The following ZNF729 variants were observed in gnomAD, a reference collection of about 807,000 sequenced individuals.
ZNF729 encodes zinc finger protein 729.
In ZNF729, 15 loss-of-function variants were observed where a neutral mutation model predicts 12.2. The ratio of observed to expected loss-of-function variants is 1.23; its 90% CI spans 0.82 to 1.89. The LOEUF is 1.89. Among genes scored for constraint, ZNF729 ranks in the 40% most tolerant of loss-of-function variants. The pLI is 0.00. For synonymous variants in ZNF729, 492 were observed against 476.3 expected (o/e 1.03, Z -0.43); for missense variants, 1,540 against 1,456.7 (o/e 1.06, Z -0.93).
intron 2 of ZNF729, 131 bp downstream of exon 2, chr19:22,304,015 A>T: frequency 5.5e-5 from 38 of 689,992 alleles, no homozygotes; most frequent in Non-Finnish European, 7.3e-5. Flanking sequence ...GGAAACAGGG[A>T]TTTATAAGTG....
At chr19:22,312,739 G>A (rs1306012962) in intron 3 of ZNF729, among the ~76,000 whole-genome samples, 1 of 152,092 alleles carries the variant, frequency 6.6e-6, no homozygotes, top group Admixed American at 6.6e-5. Flanking sequence ...TTGAGACAGA[G>A]TTTCACTCTT....
chr19:22,294,645 T>C (rs2195966), intron 1 of ZNF729, among the ~76,000 whole-genome samples: 84,411 of 144,108 alleles, frequency 0.59, 24,920 homozygotes, highest in Admixed American at 0.64. Flanking sequence ...CTTTTTTTTT[T>C]TTTTTCTTTT....
At chr19:22,311,007 C>G (rs1013092296) in intron 3 of ZNF729, among the ~76,000 whole-genome samples, 2 of 152,046 alleles carry the variant, frequency 1.3e-5, no homozygotes, top group African/African-American at 4.8e-5. Flanking sequence ...CTTCAATGAT[C>G]TTTTGTATTT....
chr19:22,298,103 T>C lies in ZNF729; in HGVS notation c.31-5655T>C, dbSNP rs187448807. Reference sequence around the variant, plus strand: ...TAAAAGCTGAAAGATACTGAGTACATTTCTTTGACAGAAAACCGATTATAC... The same window carrying C: ...TAAAAGCTGAAAGATACTGAGTACACTTCTTTGACAGAAAACCGATTATAC... On this transcript the variant is annotated intron_variant, in intron 1 of 3. Transcript: ENST00000601693. Among the ~76,000 whole-genome samples the C allele has an allele frequency of 8.3e-3, 1,262 of 151,782 alleles. 13 individuals carry two copies. The highest frequency in any genetic ancestry group is 0.027 in the Middle Eastern group (8 of 292).
At chr19:22,302,514 C>A (rs1968323760) in intron 1 of ZNF729, among the ~76,000 whole-genome samples, 1 of 152,260 alleles carries the variant, frequency 6.6e-6, no homozygotes, top group African/African-American at 2.4e-5. Context: ...ATAAAATTAC[C>A]CTAGGAACCA....
At chr19:22,304,232 G>T (rs1299747900) in intron 2 of ZNF729, among the ~76,000 whole-genome samples, 3 of 151,918 alleles carry the variant, frequency 2.0e-5, no homozygotes, top group Admixed American at 6.6e-5. Flanking sequence ...GTAGAGATGG[G>T]GTTTCACCAT....
At position 22,316,640 on chromosome 19, in the gene ZNF729, C is replaced by T; in HGVS notation, c.3223C>T (p.Pro1075Ser). The T allele has an allele frequency of 6.2e-7, 1 of 1,612,664 alleles. No individual in the cohort carries two copies. Among genetic ancestry groups the T allele is most frequent in the Non-Finnish European group, 8.5e-7 (1 of 1,179,776 alleles). ...TAAGGTAATTCATACTGGAGAGAAA[C>T]CCTGCAAATGTGAAGAATGTGACAA... is the stretch of plus-strand genomic sequence containing the variant. ...EHKVIHTGEKPCKCEECDKAF... is the reference protein window; with the variant it reads ...EHKVIHTGEKSCKCEECDKAF... Residue 1075 changes from proline (P) to serine (S), a missense_variant, in exon 4 of 4, where the codon CCC becomes TCC. Physicochemically the swap from Pro to Ser is moderately conservative, Grantham distance 74. Coordinates refer to ENST00000601693, the MANE Select transcript of ZNF729 (RefSeq NM_001242680.2).
intron 3 of ZNF729, 81 bp from the exon 4 acceptor site, chr19:22,313,590 A>G: frequency 7.8e-7 from 1 of 1,285,394 alleles, no homozygotes; most frequent in Non-Finnish European, 1.0e-6. Context: ...TGTGGTTTGC[A>G]TAATTTTATA....
chr19:22,306,443 A>G (rs1968378528), intron 3 of ZNF729, among the ~76,000 whole-genome samples: 3 of 150,352 alleles, frequency 2.0e-5, no homozygotes, highest in Admixed American at 2.0e-4. Context: ...ATCTCAAAAA[A>G]AAAAAAAGAA....
rs551827305 is a variant in ZNF729, at chr19:22,308,618, A to G, written c.253+3835A>G. ...TGTGGTTTTGATTTGCATTTCCCTG[A>G]TTATTAGTGATGTTGAGCATTTTTT... On this transcript the variant is annotated intron_variant, in intron 3 of 3. Transcript: ENST00000601693. Among the ~76,000 whole-genome samples the G allele has an allele frequency of 6.6e-5, 10 of 151,712 alleles. No homozygotes were observed. The South Asian group carries it at 1.7e-3, about 25-fold the overall frequency.
At chr19:22,286,731 C>T (rs1968083092) in intron 1 of ZNF729, among the ~76,000 whole-genome samples, 176 bp downstream of exon 1, 3 of 152,148 alleles carry the variant, frequency 2.0e-5, no homozygotes, top group African/African-American at 7.2e-5. Context: ...GCGCTGACTG[C>T]GGGACCCTGG....
intron 3 of ZNF729, among the ~76,000 whole-genome samples, chr19:22,312,942 A>G (rs1968469851): frequency 6.6e-6 from 1 of 151,924 alleles, no homozygotes; most frequent in Non-Finnish European, 1.5e-5. Context: ...CGAACTCCCG[A>G]CCTCAGGTGA....
intron 3 of ZNF729, among the ~76,000 whole-genome samples, chr19:22,310,735 C>T (rs984833680): frequency 3.2e-4 from 49 of 152,264 alleles, no homozygotes; most frequent in African/African-American, 1.2e-3. Flanking sequence ...AGGGCTCCCT[C>T]TTTCTCTGTC....
intron 3 of ZNF729, among the ~76,000 whole-genome samples, chr19:22,309,475 A>C (rs968736198): frequency 1.3e-5 from 2 of 152,074 alleles, no homozygotes; most frequent in Non-Finnish European, 2.9e-5. Flanking sequence ...TCCTTTACCC[A>C]CTTTATGTTT....
chr19:22,314,748 C>G lies in ZNF729; in HGVS notation c.1331C>G (p.Ser444Cys), dbSNP rs746231964. ...CEECGKAFNSSSTLMKHKIIH... is the reference protein window; with the variant it reads ...CEECGKAFNSCSTLMKHKIIH... ...GAATGTGGCAAAGCTTTTAACAGTT[C>G]CTCAACCCTTATGAAACATAAGATA... Residue 444 changes from serine to cysteine, a missense_variant, in exon 4 of 4, where the codon TCC becomes TGC. Physicochemically the swap from Ser to Cys is moderately radical, Grantham distance 112. Coordinates refer to ENST00000601693, the MANE Select transcript of ZNF729 (RefSeq NM_001242680.2). The G allele has an allele frequency of 1.2e-6, 2 of 1,612,600 alleles. No homozygotes were observed. The highest frequency in any genetic ancestry group is 1.7e-6 in the Non-Finnish European group (2 of 1,179,654).
intron 3 of ZNF729, among the ~76,000 whole-genome samples, chr19:22,313,227 T>C (rs1437038495): frequency 1.3e-5 from 2 of 152,132 alleles, no homozygotes; most frequent in African/African-American, 4.8e-5. Context: ...AATTTTTGAA[T>C]TTTTAGTAGA....
chr19:22,310,952 C>T (rs1468562772), intron 3 of ZNF729, among the ~76,000 whole-genome samples: 2 of 152,100 alleles, frequency 1.3e-5, no homozygotes, highest in Non-Finnish European at 2.9e-5. Flanking sequence ...TTACCCATTT[C>T]TTTTAGGTTT....
In ZNF729 at chr19:22,314,118, A is replaced by G. The variant is rs779743802; in HGVS notation, c.701A>G (p.Lys234Arg). 6 of 1,551,034 alleles carry G rather than the reference A, an allele frequency of 3.9e-6. No individual in the cohort carries two copies. Among genetic ancestry groups the G allele is most frequent in the African/African-American group, 1.4e-5 (1 of 73,014 alleles). ...TKHKIIHTED[K>R]PYKYKKCGNA... is the part of the protein sequence containing the mutation. ...CATAAGATAATTCATACTGAAGACA[A>G]ACCTTACAAATATAAGAAATGTGGC... Residue 234 changes from lysine to arginine, a missense_variant, in exon 4 of 4, where the codon AAA becomes AGA. Physicochemically the swap from Lys to Arg is conservative, Grantham distance 26 (BLOSUM62 2). Transcript: ENST00000601693.
rs570393612 is a variant in ZNF729, at chr19:22,314,556, A to G, written c.1139A>G (p.Glu380Gly). ...GGAGAGAAACCCTACAAATGTGAAG[A>G]ATGTGGTAAAGCTTTTAAGTGGTCT... ...HTGEKPYKCE[E>G]CGKAFKWSSK... Residue 380 changes from glutamate to glycine, a missense_variant, in exon 4 of 4, where the codon GAA becomes GGA. Physicochemically the swap from Glu to Gly is moderately conservative, Grantham distance 98. Coordinates refer to ENST00000601693, the MANE Select transcript of ZNF729 (RefSeq NM_001242680.2). The G allele has an allele frequency of 2.8e-5, 45 of 1,611,758 alleles. No homozygotes were observed. In the African/African-American group the frequency reaches 4.8e-4, roughly 17 times the overall value.
Sources: gnomAD v4.1 joint callset for allele counts (sites outside exome capture counted in the v4.1 genomes callset) on GRCh38, gnomAD v4.1.1 for gene constraint, MANE v1.5 for transcripts, NCBI Gene and HGNC (gene_info 2026-07-23, HGNC 2026-07-21) for gene names.